Variants in STRBP observed in about 807,000 individuals in gnomAD.
STRBP encodes spermatid perinuclear RNA-binding protein.
A neutral mutation model predicts 80.1 loss-of-function variants in STRBP; 13 were observed. The observed-to-expected ratio is 0.16, with a 90% CI of 0.11 to 0.26. The LOEUF (loss-of-function observed/expected upper bound fraction) is 0.26, where lower values mean the gene tolerates loss of function less well. STRBP is among the 10% of genes least tolerant of loss of function. STRBP has a pLI of 1.00. For synonymous variants in STRBP, 284 were observed against 291.2 expected (o/e 0.98, Z 0.25); for missense variants, 485 against 815.2 (o/e 0.59, Z 4.93).
intron 11 of STRBP, among the ~76,000 whole-genome samples, chr9:123,150,131 T>C (rs921937230): frequency 6.6e-6 from 1 of 152,070 alleles, no homozygotes; most frequent in Non-Finnish European, 1.5e-5. Flanking sequence ...AAACAGCAAC[T>C]ACAAAAGTCT....
At chr9:123,166,284 G>C (rs1223441143) in intron 6 of STRBP, among the ~76,000 whole-genome samples, 2 of 152,182 alleles carry the variant, frequency 1.3e-5, no homozygotes, top group Non-Finnish European at 2.9e-5. Flanking sequence ...ACGGCAGTTT[G>C]AGTAGGTGCA....
chr9:123,214,564 A>C (rs934092235), intron 2 of STRBP, among the ~76,000 whole-genome samples: 2 of 152,030 alleles, frequency 1.3e-5, no homozygotes, highest in Non-Finnish European at 1.5e-5. Flanking sequence ...CAGAGCTGGG[A>C]CTCCTCATGA....
downstream of STRBP, among the ~76,000 whole-genome samples, chr9:123,120,885 T>A (rs1317812585): frequency 1.3e-5 from 2 of 152,346 alleles, no homozygotes; most frequent in East Asian, 3.9e-4. Flanking sequence ...TCAGAGGGCC[T>A]ACATTATTAA....
At chr9:123,259,498 G>A (rs557843441) in intron 1 of STRBP, among the ~76,000 whole-genome samples, 7 of 152,254 alleles carry the variant, frequency 4.6e-5, no homozygotes, top group African/African-American at 1.7e-4. Flanking sequence ...CCTGAGGTCC[G>A]GAGTTCGAGA....
rs1225601723 is a variant in STRBP, at chr9:123,200,570, CTTT to C, written c.-164-16275_-164-16273del. ...CTTTTTCTGTTGGCAATTTTTTTGT[CTTT>C]TTTTTTTTTTTTGAGACGGAATCTC... On this transcript the variant is annotated intron_variant, in intron 2 of 18. Transcript: ENST00000348403. Among the ~76,000 whole-genome samples, 217 of 134,470 alleles carry C rather than the reference CTTT, an allele frequency of 1.6e-3. 1 individual carries two copies. Among genetic ancestry groups the C allele is most frequent in the African/African-American group, 5.5e-3 (204 of 36,822 alleles). The allele number at this position is 134,470 out of a possible 152,430, so 88.2% of individuals were successfully genotyped here.
intron 4 of STRBP, 77 bp downstream of exon 4, chr9:123,178,930 C>T (rs2038337731): frequency 2.1e-6 from 3 of 1,405,030 alleles, no homozygotes. Flanking sequence ...AACAGCATAA[C>T]ACACACTCAA....
chr9:123,148,921 AAT>A (rs2036937403), intron 11 of STRBP, among the ~76,000 whole-genome samples: 1 of 152,206 alleles, frequency 6.6e-6, no homozygotes, highest in African/African-American at 2.4e-5. Flanking sequence ...TGAATTGATT[AAT>A]AATCAGTTTC....
At chr9:123,133,600 G>A (rs2036233832) in intron 16 of STRBP, among the ~76,000 whole-genome samples, 1 of 151,704 alleles carries the variant, frequency 6.6e-6, no homozygotes, top group Non-Finnish European at 1.5e-5. Flanking sequence ...GTGCAATGGT[G>A]CGATCTCGAC....
At chr9:123,250,525 T>G (rs1326095068) in intron 1 of STRBP, among the ~76,000 whole-genome samples, 3 of 151,922 alleles carry the variant, frequency 2.0e-5, no homozygotes, top group African/African-American at 7.3e-5. Context: ...AAAAAAAAAG[T>G]TTTTTTTGAG....
chr9:123,208,827 A>G (rs1164851315), intron 2 of STRBP, among the ~76,000 whole-genome samples: 4 of 151,962 alleles, frequency 2.6e-5, no homozygotes, highest in African/African-American at 9.7e-5. Flanking sequence ...ACAGCCCAAC[A>G]CTCTGACAAG....
At chr9:123,128,190 A>G (rs1334158197) in intron 18 of STRBP, 24 bp downstream of exon 18, 3 of 1,613,832 alleles carry the variant, frequency 1.9e-6, no homozygotes, top group Admixed American at 1.7e-5. Flanking sequence ...CTAAGAGGAG[A>G]TATCAGTAAG....
intron 2 of STRBP, among the ~76,000 whole-genome samples, chr9:123,233,285 G>A (rs1333466941): frequency 6.6e-6 from 1 of 152,042 alleles, no homozygotes; most frequent in African/African-American, 2.4e-5. Flanking sequence ...ACGTTGCCCA[G>A]GCTAGTCTCA....
chr9:123,175,863 T>C (rs1317208993), intron 4 of STRBP, among the ~76,000 whole-genome samples: 2 of 152,216 alleles, frequency 1.3e-5, no homozygotes, highest in Non-Finnish European at 2.9e-5. Flanking sequence ...AAGGCGCTGA[T>C]TGGATAACAC....
At chr9:123,135,977 A>T in intron 16 of STRBP, 64 bp downstream of exon 16, 2 of 1,590,242 alleles carry the variant, frequency 1.3e-6, no homozygotes, top group Non-Finnish European at 1.7e-6. Flanking sequence ...CATGGACAGG[A>T]AAGAAAATTT....
At chr9:123,247,850 C>A (rs893241653) in intron 1 of STRBP, among the ~76,000 whole-genome samples, 1 of 152,088 alleles carries the variant, frequency 6.6e-6, no homozygotes, top group Non-Finnish European at 1.5e-5. Flanking sequence ...TATATCTTAA[C>A]ATACATGGAT....
intron 1 of STRBP, among the ~76,000 whole-genome samples, chr9:123,265,820 T>C (rs927921207): frequency 6.6e-6 from 1 of 152,194 alleles, no homozygotes; most frequent in South Asian, 2.1e-4. Flanking sequence ...AGCCTCCAAC[T>C]AAATTTTACC....
intron 3 of STRBP, among the ~76,000 whole-genome samples, chr9:123,180,507 G>C (rs2038412687): frequency 6.6e-6 from 1 of 152,068 alleles, no homozygotes; most frequent in African/African-American, 2.4e-5. Flanking sequence ...ATCTCCTCAG[G>C]ATTGATTTAC....
At chr9:123,243,882 G>C (rs2040747448) in intron 1 of STRBP, among the ~76,000 whole-genome samples, 1 of 152,138 alleles carries the variant, frequency 6.6e-6, no homozygotes, top group Non-Finnish European at 1.5e-5. Flanking sequence ...GCTAAATGTA[G>C]TCTTACAACA....
intron 1 of STRBP, among the ~76,000 whole-genome samples, chr9:123,249,249 T>G (rs1418404617): frequency 6.6e-6 from 1 of 152,072 alleles, no homozygotes; most frequent in African/African-American, 2.4e-5. Context: ...CATGGTGGTG[T>G]GCATCTGTAG....
Sources: gnomAD v4.1 joint callset for allele counts (sites outside exome capture counted in the v4.1 genomes callset) on GRCh38, gnomAD v4.1.1 for gene constraint, MANE v1.5 for transcripts, NCBI Gene and HGNC (gene_info 2026-07-23, HGNC 2026-07-21) for gene names.